The following PLCL2 variants were observed in gnomAD, a reference collection of about 807,000 sequenced individuals.
The protein encoded by PLCL2 is phospholipase C like 2.
Under a neutral mutation model 79.6 loss-of-function variants are expected in PLCL2, and 4 were observed. The ratio of observed to expected loss-of-function variants is 0.05; its 90% CI spans 0.02 to 0.11. The LOEUF (loss-of-function observed/expected upper bound fraction) is 0.11. PLCL2 is among the 10% of genes least tolerant of loss of function. The pLI, the probability that PLCL2 is intolerant of heterozygous loss-of-function variation, is 1.00. For missense variants in PLCL2, 895 were observed against 1,291.0 expected, an observed-to-expected ratio of 0.69 and a Z score of 4.70; for synonymous variants, 484 against 457.7, an observed-to-expected ratio of 1.06 and a Z score of -0.73.
chr3:16,944,316 C>T (rs1183585156), intron 1 of PLCL2, among the ~76,000 whole-genome samples: 1 of 152,080 alleles, frequency 6.6e-6, no homozygotes, highest in Admixed American at 6.5e-5. Flanking sequence ...GAAGCCTACC[C>T]ATTTTTCAAT....
chr3:16,953,355 A>G (rs1428503680), intron 1 of PLCL2, among the ~76,000 whole-genome samples: 1 of 152,198 alleles, frequency 6.6e-6, no homozygotes, highest in Non-Finnish European at 1.5e-5. Flanking sequence ...TACAGAAAAC[A>G]TGAATTACAT....
intron 1 of PLCL2, among the ~76,000 whole-genome samples, chr3:16,890,779 G>A (rs904339316): frequency 1.3e-5 from 2 of 152,210 alleles, no homozygotes; most frequent in African/African-American, 4.8e-5. Context: ...AATTGAGAGG[G>A]TTGTGCTTAG....
At chr3:17,029,879 G>A (rs2064562592) in intron 3 of PLCL2, among the ~76,000 whole-genome samples, 1 of 152,164 alleles carries the variant, frequency 6.6e-6, no homozygotes, top group Non-Finnish European at 1.5e-5. Context: ...CTGCCACCAT[G>A]AGCTGGCTCC....
At chr3:17,033,083 C>T (rs1336871044) in intron 3 of PLCL2, among the ~76,000 whole-genome samples, 1 of 152,084 alleles carries the variant, frequency 6.6e-6, no homozygotes, top group Non-Finnish European at 1.5e-5. Flanking sequence ...GAGGTTCAGA[C>T]CGTATCAGGG....
intron 1 of PLCL2, among the ~76,000 whole-genome samples, chr3:16,946,303 G>T (rs192761440): frequency 1.3e-5 from 2 of 151,970 alleles, no homozygotes; most frequent in African/African-American, 4.8e-5. Context: ...GGACGCTTCG[G>T]AATTCCACAG....
At chr3:16,980,248 TG>T (rs2063973058) in intron 1 of PLCL2, among the ~76,000 whole-genome samples, 1 of 91,536 alleles carries the variant, frequency 1.1e-5, no homozygotes, top group Non-Finnish European at 2.3e-5. Flanking sequence ...ACCTGCCGGA[TG>T]GGGCGGCTGG....
At chr3:16,927,202 T>C (rs959385404) in intron 1 of PLCL2, among the ~76,000 whole-genome samples, 3 of 152,222 alleles carry the variant, frequency 2.0e-5, no homozygotes, top group Non-Finnish European at 4.4e-5. Context: ...CTTCACAGAA[T>C]GTTTGCAAAA....
intron 3 of PLCL2, among the ~76,000 whole-genome samples, chr3:17,025,639 G>A (rs1023717648): frequency 6.6e-6 from 1 of 152,136 alleles, no homozygotes; most frequent in Admixed American, 6.5e-5. Context: ...CCACCTTCTG[G>A]CAGTAAGGTG....
intron 1 of PLCL2, among the ~76,000 whole-genome samples, chr3:16,961,377 A>G (rs535623692): frequency 2.6e-4 from 40 of 152,240 alleles, no homozygotes; most frequent in Non-Finnish European, 5.1e-4. Context: ...TAGAGCCTTC[A>G]AAGAGCTTAG....
chr3:16,983,345 G>A (rs2064018950), intron 1 of PLCL2, among the ~76,000 whole-genome samples: 2 of 152,178 alleles, frequency 1.3e-5, no homozygotes, highest in East Asian at 3.9e-4. Flanking sequence ...TCACCCATAT[G>A]GGATATGAGC....
rs1685485686 is a variant in PLCL2, at chr3:16,885,065, C to T, written c.26C>T (p.Ala9Val). Residue 9 changes from alanine to valine, a missense_variant, in exon 1 of 6, where the codon GCC (alanine) becomes GTC (valine). Physicochemically the swap from Ala to Val is moderately conservative, Grantham distance 64. Coordinates refer to ENST00000615277, the MANE Select transcript of PLCL2 (RefSeq NM_001144382.2). MAECGRGG[A>V]AGGALPTSPG... Reference sequence around the variant, plus strand: ...ATGGCGGAGTGCGGCCGGGGGGGCGCCGCCGGCGGGGCCCTGCCCACCTCC... The same window carrying T: ...ATGGCGGAGTGCGGCCGGGGGGGCGTCGCCGGCGGGGCCCTGCCCACCTCC... The T allele has an allele frequency of 5.3e-6, 2 of 378,366 alleles. No homozygotes were observed. The highest frequency in any genetic ancestry group is 9.2e-5 in the Admixed American group (2 of 21,750). The allele number at this position is 378,366 out of a possible 1,614,324, so 23.4% of individuals were successfully genotyped here.
intron 1 of PLCL2, among the ~76,000 whole-genome samples, chr3:16,897,561 C>T (rs1036298682): frequency 7.9e-5 from 12 of 152,216 alleles, no homozygotes; most frequent in African/African-American, 2.9e-4. Flanking sequence ...GGATGTTTCA[C>T]TTTGCTAAAT....
intron 3 of PLCL2, among the ~76,000 whole-genome samples, chr3:17,030,987 T>TAG (rs1553646273): frequency 0.028 from 4,325 of 152,038 alleles, 222 homozygotes; most frequent in African/African-American, 0.1. Context: ...TTTAATTAAT[T>TAG]TAGTAATAGT....
Position 17,013,837 on chromosome 3 carries a change from C to G in PLCL2, c.2815-871C>G, listed in dbSNP as rs181186821. Among the ~76,000 whole-genome samples, 362 of 152,316 alleles carry G rather than the reference C, an allele frequency of 2.4e-3. 1 individual carries two copies. The highest frequency in any genetic ancestry group is 3.6e-3 in the Non-Finnish European group (246 of 68,024). On this transcript the variant is annotated intron_variant, in intron 2 of 5. Transcript: ENST00000615277. The stretch of plus-strand genomic sequence containing the variant: ...CGGTGACTCAAAGCATGGGCCTTAA[C>G]ATCAGCAGCTTTCAGGTAAAATCTT...
At chr3:16,953,764 G>GT (rs951582456) in intron 1 of PLCL2, among the ~76,000 whole-genome samples, 39 of 148,608 alleles carry the variant, frequency 2.6e-4, no homozygotes, top group East Asian at 7.8e-4. Flanking sequence ...AACCTCCATA[G>GT]TTTTTTTTTT....
At chr3:17,019,291 A>T (rs1475765227) in intron 3 of PLCL2, among the ~76,000 whole-genome samples, 4 of 152,198 alleles carry the variant, frequency 2.6e-5, no homozygotes, top group African/African-American at 9.7e-5. Context: ...GTCCTTGCAC[A>T]TTTTTGAGCA....
At chr3:16,931,654 G>C (rs557773480) in intron 1 of PLCL2, among the ~76,000 whole-genome samples, 1 of 152,062 alleles carries the variant, frequency 6.6e-6, no homozygotes, top group Non-Finnish European at 1.5e-5. Context: ...GTTCCAGTTC[G>C]GTTGCTGCCA....
chr3:16,919,134 T>C (rs975892578), intron 1 of PLCL2, among the ~76,000 whole-genome samples: 4 of 152,166 alleles, frequency 2.6e-5, no homozygotes, highest in African/African-American at 9.6e-5. Context: ...GGAGCCAAAA[T>C]TTAAATTACT....
intron 1 of PLCL2, among the ~76,000 whole-genome samples, chr3:16,981,574 G>T (rs2063999128): frequency 1.3e-5 from 2 of 152,164 alleles, no homozygotes; most frequent in African/African-American, 2.4e-5. Context: ...ATCTATAGGG[G>T]TATCTTCTGA....
Sources: allele counts gnomAD v4.1 joint callset (sites outside exome capture counted in the v4.1 genomes callset), GRCh38; gene constraint gnomAD v4.1.1; transcripts MANE v1.5; gene names NCBI Gene and HGNC (gene_info 2026-07-23, HGNC 2026-07-21).